DNAH11: variants seen among roughly 807,000 people sequenced by gnomAD.
DNAH11 encodes dynein axonemal heavy chain 11, also known as axonemal beta dynein heavy chain 11.
DNAH11 carries 442 observed loss-of-function variants against 526.0 expected under a neutral mutation model. The ratio of observed to expected loss-of-function variants is 0.84; its 90% confidence interval spans 0.78 to 0.91. The LOEUF (loss-of-function observed/expected upper bound fraction) is 0.91, where lower values mean the gene tolerates loss of function less well. Among genes scored for constraint, DNAH11 ranks in the 40% least tolerant of loss-of-function variants. DNAH11 has a pLI of 0.00. For missense variants in DNAH11, 6,989 were observed against 5,448.7 expected (o/e 1.28, Z -8.90); for synonymous variants, 2,461 against 1,935.9 (o/e 1.27, Z -7.12).
chr7:21,884,459 A>G (rs778366390), intron 76 of DNAH11, 49 bp downstream of exon 76: 1 of 1,550,808 alleles, frequency 6.4e-7, no homozygotes, highest in East Asian at 2.3e-5. Flanking sequence ...TGAGCAAAAA[A>G]TTCTGGTAAG....
chr7:21,767,954 G>A (rs1047182950), intron 55 of DNAH11, among the ~76,000 whole-genome samples: 9 of 152,096 alleles, frequency 5.9e-5, no homozygotes, highest in East Asian at 1.9e-4. Context: ...GAAAGGAGTC[G>A]TTAAAGGCAA....
chr7:21,692,278 T>C lies in DNAH11; in HGVS notation c.6041+1397T>C, dbSNP rs79632625. On this transcript the variant is annotated intron_variant, in intron 35 of 81. Coordinates refer to ENST00000409508, the MANE Select transcript of DNAH11 (RefSeq NM_001277115.2). Reference sequence around the variant, plus strand: ...ATCAAGTGTACAGTTGGTGAAAGCATAACCACAATCAAAGTACAGAATATT... The same window carrying C: ...ATCAAGTGTACAGTTGGTGAAAGCACAACCACAATCAAAGTACAGAATATT... 7.8e-3 allele frequency among the ~76,000 whole-genome samples: 1,194 copies of C among 152,286 alleles called. 10 individuals carry two copies. Among genetic ancestry groups the C allele is most frequent in the African/African-American group, 0.015 (613 of 41,544 alleles).
At chr7:21,662,365 A>G (rs1013986218) in intron 30 of DNAH11, among the ~76,000 whole-genome samples, 1 of 152,158 alleles carries the variant, frequency 6.6e-6, no homozygotes, top group African/African-American at 2.4e-5. Flanking sequence ...TCTTTATAAC[A>G]TGTCATTTAT....
chr7:21,789,178 T>A lies in DNAH11; in HGVS notation c.9925-63T>A, dbSNP rs1039416200. 12 of 1,185,756 alleles carry A rather than the reference T, an allele frequency of 1.0e-5. No individual in the cohort carries two copies. In the African/African-American group the frequency reaches 1.8e-4, roughly 18 times the overall value. 73.5% of individuals were successfully genotyped at this position (1,185,756 alleles called of 1,614,324 possible). On this transcript the variant is annotated intron_variant, in intron 60 of 81. Transcript: ENST00000409508. ...AGAGATTTTAATTGTAAAGCATCCA[T>A]CCTATCTGGGATTGAATGATTACTT...
intron 54 of DNAH11, among the ~76,000 whole-genome samples, chr7:21,754,175 G>T (rs553571880): frequency 6.6e-6 from 1 of 152,096 alleles, no homozygotes; most frequent in Admixed American, 6.6e-5. Flanking sequence ...TAGGAATTCT[G>T]TCTTGATTCT....
rs143842065 is a variant in DNAH11, at chr7:21,730,792, T to A, written c.7440+4808T>A. Among the ~76,000 whole-genome samples, 26 of 152,268 alleles carry A rather than the reference T, an allele frequency of 1.7e-4. No individual in the cohort carries two copies. The East Asian group carries it at 4.8e-3, about 28-fold the overall frequency. On this transcript the variant is annotated intron_variant, in intron 45 of 81. Transcript: ENST00000409508. ...ATGGTGACTGTAATTAATAACAATG[T>A]GTAGTATTTTTTAAAAACCATTAAG...
intron 75 of DNAH11, among the ~76,000 whole-genome samples, chr7:21,882,765 C>A (rs1783969525): frequency 6.6e-6 from 1 of 152,030 alleles, no homozygotes; most frequent in Non-Finnish European, 1.5e-5. Context: ...CCACTGCACT[C>A]CAGCCTGAGC....
At position 21,745,058 on chromosome 7, in the gene DNAH11, A is replaced by G. The variant is rs1306877805; in HGVS notation, c.8505A>G (p.Gln2835=). ...TAGTTTTGTTTGAAGATGCCATGCA[A>G]CATGTGTGAGTTAACTAGTCACGAT... ...MHLVLFEDAM[Q]HVCRISRILR... is the part of the protein sequence containing the mutation. Residue 2835 remains glutamine, a synonymous_variant, in exon 51 of 82, where the codon CAA becomes CAG. Coordinates refer to ENST00000409508, the MANE Select transcript of DNAH11 (RefSeq NM_001277115.2). The G allele has an allele frequency of 6.2e-7, 1 of 1,605,332 alleles. No individual in the cohort carries two copies. Among genetic ancestry groups the G allele is most frequent in the South Asian group, 1.1e-5 (1 of 89,114 alleles).
intron 2 of DNAH11, among the ~76,000 whole-genome samples, chr7:21,556,045 A>G (rs1157760099): frequency 6.6e-6 from 1 of 152,186 alleles, no homozygotes; most frequent in African/African-American, 2.4e-5. Context: ...ATCTCCTAGC[A>G]TGCAAGTTCT....
chr7:21,777,098 C>T (rs539110637), intron 56 of DNAH11, among the ~76,000 whole-genome samples: 170 of 152,240 alleles, frequency 1.1e-3, no homozygotes, highest in African/African-American at 3.9e-3. Context: ...ACTTCTTCCC[C>T]ACCTCCTGAA....
intron 79 of DNAH11, among the ~76,000 whole-genome samples, chr7:21,898,505 C>G (rs920516168): frequency 3.3e-5 from 5 of 152,228 alleles, no homozygotes; most frequent in Admixed American, 3.3e-4. Context: ...TAGAAAACTT[C>G]AGTGCCAGCC....
At chr7:21,786,859 T>A (rs1159507753) in intron 59 of DNAH11, 92 bp downstream of exon 59, 1 of 1,492,072 alleles carries the variant, frequency 6.7e-7, no homozygotes, top group Non-Finnish European at 9.1e-7. Context: ...GATGTTTAAG[T>A]CAGAAGAAAT....
intron 65 of DNAH11, among the ~76,000 whole-genome samples, chr7:21,823,398 C>T (rs373679140): frequency 7.9e-5 from 12 of 152,144 alleles, no homozygotes; most frequent in South Asian, 2.1e-4. Context: ...CACAGATAAT[C>T]CCCCCTCCTG....
rs139343953 is a variant in DNAH11, at chr7:21,837,749, T to C, written c.10692-4795T>C. On this transcript the variant is annotated intron_variant, in intron 65 of 81. Transcript: ENST00000409508. ...TTCAGTGGTTTTTAGTTAGGAGGAA[T>C]ACGTTCTGGTGTTCTGTAGCACAGT... 7.2e-5 allele frequency among the ~76,000 whole-genome samples: 11 copies of C among 152,276 alleles called. No homozygotes were observed. In the East Asian group the frequency reaches 2.1e-3, roughly 29 times the overall value.
At chr7:21,662,949 TC>T (rs1473255079) in intron 30 of DNAH11, among the ~76,000 whole-genome samples, 1 of 152,104 alleles carries the variant, frequency 6.6e-6, no homozygotes, top group Non-Finnish European at 1.5e-5. Flanking sequence ...GTATAGTGTG[TC>T]CATTAATTTC....
At chr7:21,775,966 TA>T in intron 56 of DNAH11, among the ~76,000 whole-genome samples, 1 of 152,228 alleles carries the variant, frequency 6.6e-6, no homozygotes, top group African/African-American at 2.4e-5. Context: ...CTGCCATACT[TA>T]AAGGTTGTGA....
At chr7:21,868,537 T>A (rs2128035443) in intron 72 of DNAH11, among the ~76,000 whole-genome samples, 1 of 152,356 alleles carries the variant, frequency 6.6e-6, no homozygotes. Flanking sequence ...ATGTTGCTCC[T>A]TTTTATGAGA....
At chr7:21,882,566 C>T (rs769970948) in intron 75 of DNAH11, among the ~76,000 whole-genome samples, 37 of 152,252 alleles carry the variant, frequency 2.4e-4, no homozygotes, top group African/African-American at 8.7e-4. Flanking sequence ...GAGGCCAAGT[C>T]GGGCGGATCG....
chr7:21,655,679 A>G (rs1186667550), intron 28 of DNAH11, among the ~76,000 whole-genome samples, 153 bp from the exon 29 acceptor site: 1 of 152,216 alleles, frequency 6.6e-6, no homozygotes, highest in Non-Finnish European at 1.5e-5. Context: ...TCAAGCTCTC[A>G]TATTTTAGAA....
Sources: gnomAD v4.1 joint callset for allele counts (sites outside exome capture counted in the v4.1 genomes callset) on GRCh38, gnomAD v4.1.1 for gene constraint, MANE v1.5 for transcripts, NCBI Gene and HGNC (gene_info 2026-07-23, HGNC 2026-07-21) for gene names.